The following VCL variants were observed in gnomAD, a reference collection of about 807,000 sequenced individuals.
VCL encodes the protein vinculin.
Under a neutral mutation model 125.7 loss-of-function variants are expected in VCL, and 47 were observed. That is an observed-to-expected ratio of 0.37 (90% CI 0.30 to 0.48). The LOEUF is 0.48. VCL is among the 20% of genes least tolerant of loss of function. The pLI, the probability that VCL is intolerant of heterozygous loss-of-function variation, is 0.99. For synonymous variants in VCL, 458 were observed against 514.6 expected, an observed-to-expected ratio of 0.89 and a Z score of 1.49; for missense variants, 1,069 against 1,455.5, an observed-to-expected ratio of 0.73 and a Z score of 4.32.
At chr10:73,999,752 C>T (rs1840191959) in intron 1 of VCL, among the ~76,000 whole-genome samples, 1 of 152,162 alleles carries the variant, frequency 6.6e-6, no homozygotes, top group South Asian at 2.1e-4. Flanking sequence ...ACACCACCGA[C>T]CAAATTCCTG....
rs1591710068 is a variant in VCL, at chr10:74,101,197, A to T, written c.2022+100A>T. 7 of 1,502,314 alleles carry T rather than the reference A, an allele frequency of 4.7e-6. No homozygotes were observed. In the East Asian group the frequency reaches 1.7e-4, roughly 37 times the overall value. The allele number at this position is 1,502,314 out of a possible 1,614,324, so 93.1% of individuals were successfully genotyped here. A position where few individuals can be genotyped will look rare whatever the true frequency, so the allele number is the denominator to read the frequency against. Reference sequence around the variant, plus strand: ...AATACTTACCGTAAGATGGCATAAAAAAACATATACAGGCCAGCACGGTAG... The same window carrying T: ...AATACTTACCGTAAGATGGCATAAATAAACATATACAGGCCAGCACGGTAG... On this transcript the variant is annotated intron_variant, in intron 14 of 21. Coordinates refer to ENST00000211998, the MANE Select transcript of VCL (RefSeq NM_014000.3).
chr10:74,089,377 G>A, intron 9 of VCL, 28 bp downstream of exon 9: 1 of 1,612,578 alleles, frequency 6.2e-7, no homozygotes, highest in Non-Finnish European at 8.5e-7. Context: ...CAGGAGGGGT[G>A]GGAAATATTT....
intron 4 of VCL, 138 bp from the exon 5 acceptor site, chr10:74,072,592 A>C: frequency 8.3e-7 from 1 of 1,198,740 alleles, no homozygotes; most frequent in Non-Finnish European, 1.2e-6. Context: ...ATTAGAGTTC[A>C]GTGATGGTGT....
intron 1 of VCL, among the ~76,000 whole-genome samples, chr10:74,032,413 A>G (rs1840894481): frequency 6.6e-6 from 1 of 151,850 alleles, no homozygotes; most frequent in Non-Finnish European, 1.5e-5. Flanking sequence ...AATATTGGCA[A>G]GGGGCCAGGC....
At chr10:74,089,124 T>A in intron 8 of VCL, 72 bp from the exon 9 acceptor site, 1 of 1,602,280 alleles carries the variant, frequency 6.2e-7, no homozygotes, top group African/African-American at 1.3e-5. Context: ...CCACATGTAC[T>A]GTGCTATTGG....
chr10:74,015,281 T>C (rs185383597), intron 1 of VCL, among the ~76,000 whole-genome samples: 3 of 152,292 alleles, frequency 2.0e-5, no homozygotes, highest in Admixed American at 1.3e-4. Flanking sequence ...GGCCAGGCCC[T>C]GTGGCTCACG....
At chr10:74,077,361 A>T (rs1363015213) in intron 6 of VCL, 1 of 152,898 alleles carries the variant, frequency 6.5e-6, no homozygotes, top group Non-Finnish European at 1.5e-5. Context: ...CTGCAAAAAG[A>T]TATACCTGAT....
At position 74,097,440 on chromosome 10, in the gene VCL, A is replaced by G. The variant is rs1222243476; in HGVS notation, c.1872+108A>G. On this transcript the variant is annotated intron_variant, in intron 13 of 21. Transcript: ENST00000211998. The surrounding 1 kb of genome is among the most constrained non-coding windows in gnomAD (Gnocchi z 4.1). The stretch of plus-strand genomic sequence containing the variant: ...AGGATCAGTGGTTGGGAAACTGTAG[A>G]TGAAGGGTGGAAGAGCAGAACAGGG... 2.0e-6 allele frequency: 3 copies of G among 1,526,690 alleles called. No individual in the cohort carries two copies. The highest frequency in any genetic ancestry group is 2.7e-6 in the Non-Finnish European group (3 of 1,120,158). 94.6% of individuals were successfully genotyped at this position (1,526,690 alleles called of 1,614,324 possible).
At chr10:74,025,396 T>A (rs1840751645) in intron 1 of VCL, among the ~76,000 whole-genome samples, 1 of 151,874 alleles carries the variant, frequency 6.6e-6, no homozygotes, top group Non-Finnish European at 1.5e-5. Context: ...GGAGGATTGC[T>A]TGAGGCCAGG....
At chr10:74,065,198 G>GTT (rs1257782580) in intron 2 of VCL, among the ~76,000 whole-genome samples, 3 of 149,910 alleles carry the variant, frequency 2.0e-5, no homozygotes, top group Admixed American at 2.0e-4. Context: ...GTGCAGTGGC[G>GTT]TGATCTTGGC....
Position 74,024,498 on chromosome 10 carries a change from G to A in VCL, c.169-18585G>A, listed in dbSNP as rs554807273. ...TGGTGGCAGGCGCCTGTAGTACCAG[G>A]TACTCGGGAGACTGAGGCAGGAGAA... On this transcript the variant is annotated intron_variant, in intron 1 of 21. Transcript: ENST00000211998. Among the ~76,000 whole-genome samples the A allele has an allele frequency of 1.8e-4, 28 of 151,976 alleles. 1 individual carries two copies. The highest frequency in any genetic ancestry group is 1.6e-3 in the Admixed American group (24 of 15,264).
intron 21 of VCL, among the ~76,000 whole-genome samples, chr10:74,117,387 C>G (rs12572820): frequency 0.51 from 77,271 of 152,086 alleles, 20,510 homozygotes; most frequent in Middle Eastern, 0.59. Flanking sequence ...GTGGCTCACG[C>G]CTACTGTATG....
At chr10:74,048,368 TGAGGTA>T (rs1841232313) in intron 2 of VCL, among the ~76,000 whole-genome samples, 1 of 150,476 alleles carries the variant, frequency 6.6e-6, no homozygotes, top group Non-Finnish European at 1.5e-5. Flanking sequence ...CTTGGGAGGC[TGAGGTA>T]GGAGAATCAC....
chr10:74,086,366 A>AG (rs1839772397), intron 8 of VCL, among the ~76,000 whole-genome samples: 2 of 152,358 alleles, frequency 1.3e-5, no homozygotes, highest in African/African-American at 4.8e-5. Context: ...TCTATGTTGA[A>AG]GGGGAAAGAA....
At chr10:74,005,378 C>CCA (rs1840303237) in intron 1 of VCL, 1 of 152,152 alleles carries the variant, frequency 6.6e-6, no homozygotes, top group Non-Finnish European at 1.5e-5. Flanking sequence ...TCTCAGCCTC[C>CCA]TGAGTAGCTG....
chr10:74,105,844 C>T (rs551936346), intron 16 of VCL, among the ~76,000 whole-genome samples: 3 of 147,924 alleles, frequency 2.0e-5, no homozygotes, highest in East Asian at 2.0e-4. Context: ...TGTGAGCCAC[C>T]GTGCCCAACC....
intron 1 of VCL, among the ~76,000 whole-genome samples, chr10:74,030,180 G>T (rs2136239617): frequency 6.6e-6 from 1 of 152,276 alleles, no homozygotes; most frequent in South Asian, 2.1e-4. Flanking sequence ...GGGAGTGATG[G>T]CAACTGTGGT....
chr10:74,008,040 G>A (rs993655140), intron 1 of VCL, among the ~76,000 whole-genome samples: 3 of 152,114 alleles, frequency 2.0e-5, no homozygotes, highest in Admixed American at 2.0e-4. Context: ...CTGACCTGAG[G>A]TGATCTACCC....
At chr10:74,120,496 T>A (rs10824075), downstream of VCL, 1 of 152,094 alleles carries the variant, frequency 6.6e-6, no homozygotes, top group Non-Finnish European at 1.5e-5. Flanking sequence ...GCTAAAGTTG[T>A]TAAGTTTGTA....
Sources: gnomAD v4.1 joint callset for allele counts (sites outside exome capture counted in the v4.1 genomes callset) on GRCh38, gnomAD v4.1.1 for gene constraint, Gnocchi (gnomAD v3.1) non-coding constraint, MANE v1.5 for transcripts, NCBI Gene and HGNC (gene_info 2026-07-23, HGNC 2026-07-21) for gene names.